SGCD: variants seen among roughly 807,000 people sequenced by gnomAD.
The protein encoded by SGCD is sarcoglycan delta, also known as delta-sarcoglycan.
Under a neutral mutation model 36.6 loss-of-function variants are expected in SGCD, and 18 were observed. The observed-to-expected ratio is 0.49, with a 90% CI of 0.34 to 0.73. SGCD has a LOEUF of 0.73. Among genes scored for constraint, SGCD ranks in the 30% least tolerant of loss-of-function variants. The pLI, the probability that SGCD is intolerant of heterozygous loss-of-function variation, is 0.01. For missense variants in SGCD, 387 were observed against 346.7 expected, an observed-to-expected ratio of 1.12 and a Z score of -0.92; for synonymous variants, 133 against 130.6, an observed-to-expected ratio of 1.02 and a Z score of -0.12.
At chr5:155,780,229 G>T in the SGCD span, among the ~76,000 whole-genome samples, 1 of 152,066 alleles carries the variant, frequency 6.6e-6, no homozygotes, top group African/African-American at 2.4e-5. Context: ...TAAACAGCTT[G>T]ACATGGCCAC....
At position 156,028,455 on chromosome 5, in the gene SGCD, A is replaced by G. The variant is rs532810316; in HGVS notation, c.-281-89423A>G. On this transcript the variant is annotated intron_variant, in intron 1 of 9. Coordinates refer to the SGCD transcript ENST00000517913. The stretch of plus-strand genomic sequence containing the variant: ...TTGGGCCAGTTATTTACCCTCTAAT[A>G]TCTCAGTTTCTTCCTATGTAAAATG... Among the ~76,000 whole-genome samples the G allele has an allele frequency of 2.0e-5, 3 of 152,250 alleles. No homozygotes were observed. In the South Asian group the frequency reaches 6.2e-4, roughly 32 times the overall value.
rs1353704222 is a variant in SGCD at position 156,760,803 on chromosome 5, T to C, written c.*1413T>C. 2.0e-5 allele frequency: 3 copies of C among 152,674 alleles called. No homozygotes were observed. Among genetic ancestry groups the C allele is most frequent in the African/African-American group, 7.2e-5 (3 of 41,444 alleles). 9.5% of individuals were successfully genotyped at this position (152,674 alleles called of 1,614,324 possible). A position where few individuals can be genotyped will look rare whatever the true frequency, so the allele number is the denominator to read the frequency against. On this transcript the variant is annotated 3_prime_UTR_variant, in exon 9 of 9. Transcript: ENST00000337851. ...GGGGGAAATGTGCCTATGCCTTAAG[T>C]CAATGCACTCAGCAAGGAGAAGCAC... is the stretch of plus-strand genomic sequence containing the variant.
intron 1 of SGCD, among the ~76,000 whole-genome samples, chr5:155,886,171 T>C (rs1034870284): frequency 6.6e-6 from 1 of 152,186 alleles, no homozygotes; most frequent in Admixed American, 6.5e-5. Context: ...TTCGAACTAA[T>C]TTAATTCAAA....
chr5:156,636,199 C>T (rs1392587496), intron 6 of SGCD, among the ~76,000 whole-genome samples: 1 of 152,074 alleles, frequency 6.6e-6, no homozygotes, highest in Non-Finnish European at 1.5e-5. Flanking sequence ...TTCACTGAGA[C>T]CATTTAACTA....
At chr5:156,242,513 A>T (rs530035233) in intron 3 of SGCD, among the ~76,000 whole-genome samples, 1 of 152,214 alleles carries the variant, frequency 6.6e-6, no homozygotes, top group Non-Finnish European at 1.5e-5. Flanking sequence ...CTGAATAATT[A>T]GTTAGTTATA....
chr5:156,302,118 C>T (rs1023843765), intron 3 of SGCD, among the ~76,000 whole-genome samples: 6 of 152,150 alleles, frequency 3.9e-5, no homozygotes, highest in Non-Finnish European at 4.4e-5. Flanking sequence ...TCTTCTCTAT[C>T]TCCTCTGTAA....
intron 7 of SGCD, among the ~76,000 whole-genome samples, chr5:156,689,770 A>G (rs905916277): frequency 6.6e-6 from 1 of 152,186 alleles, no homozygotes; most frequent in African/African-American, 2.4e-5. Flanking sequence ...TGGTAAGAAG[A>G]TTATTCAAGA....
At chr5:156,620,509 T>G (rs1314949031) in intron 6 of SGCD, among the ~76,000 whole-genome samples, 1 of 152,092 alleles carries the variant, frequency 6.6e-6, no homozygotes, top group Non-Finnish European at 1.5e-5. Flanking sequence ...GAGGATTAAG[T>G]AGATGGTAAG....
At chr5:156,087,133 C>G (rs1040807531) in intron 1 of SGCD, among the ~76,000 whole-genome samples, 2 of 152,214 alleles carry the variant, frequency 1.3e-5, no homozygotes, top group Non-Finnish European at 2.9e-5. Flanking sequence ...CAATTATCAT[C>G]AAGGTCACAA....
At chr5:156,405,857 T>C (rs539493557) in intron 3 of SGCD, among the ~76,000 whole-genome samples, 80 of 152,054 alleles carry the variant, frequency 5.3e-4, no homozygotes, top group African/African-American at 1.7e-3. Context: ...TCTGGCCAGA[T>C]ACCTGAGGCC....
At chr5:156,325,049 C>G (rs1232274818), upstream of SGCD, among the ~76,000 whole-genome samples, 1 of 152,120 alleles carries the variant, frequency 6.6e-6, no homozygotes, top group African/African-American at 2.4e-5. Flanking sequence ...GCCCAGTTCT[C>G]TGGAATGACA....
intron 3 of SGCD, among the ~76,000 whole-genome samples, chr5:156,282,032 A>C (rs1043957277): frequency 1.6e-4 from 21 of 133,734 alleles, no homozygotes; most frequent in Non-Finnish European, 3.2e-4. Context: ...CTCCATATCC[A>C]AAAAAAAAAA....
At chr5:156,378,998 G>A (rs1003973809) in intron 3 of SGCD, among the ~76,000 whole-genome samples, 1 of 152,060 alleles carries the variant, frequency 6.6e-6, no homozygotes, top group Non-Finnish European at 1.5e-5. Context: ...CTAAATGTTT[G>A]CATCTACTTC....
chr5:155,866,856 C>G (rs1213396838), upstream of SGCD, among the ~76,000 whole-genome samples: 2 of 152,140 alleles, frequency 1.3e-5, no homozygotes, highest in East Asian at 3.9e-4. Context: ...TACACACACG[C>G]ATGCGTACAC....
intron 3 of SGCD, among the ~76,000 whole-genome samples, chr5:156,203,537 T>C (rs1764201313): frequency 6.6e-6 from 1 of 152,180 alleles, no homozygotes; most frequent in Non-Finnish European, 1.5e-5. Context: ...CTTATTCATT[T>C]ATTCTTTCAT....
chr5:156,080,717 T>C (rs1760927611), intron 1 of SGCD, among the ~76,000 whole-genome samples: 1 of 152,236 alleles, frequency 6.6e-6, no homozygotes, highest in South Asian at 2.1e-4. Flanking sequence ...GTGACCTTTG[T>C]TGTAATTTCC....
intron 2 of SGCD, among the ~76,000 whole-genome samples, chr5:156,332,625 A>G (rs899189348): frequency 1.3e-5 from 2 of 152,264 alleles, no homozygotes; most frequent in Non-Finnish European, 2.9e-5. Flanking sequence ...TTGTGGCTTC[A>G]TTCTCTCAGA....
At chr5:155,760,055 T>C in the SGCD span, among the ~76,000 whole-genome samples, 1 of 152,132 alleles carries the variant, frequency 6.6e-6, no homozygotes, top group Non-Finnish European at 1.5e-5. Context: ...ATCTCACCAT[T>C]GTTATCATCA....
intron 7 of SGCD, among the ~76,000 whole-genome samples, chr5:156,648,409 C>T (rs2113589061): frequency 6.6e-6 from 1 of 152,224 alleles, no homozygotes; most frequent in Middle Eastern, 3.4e-3. Flanking sequence ...TTTCCTGATG[C>T]AATCTGAAGA....
Sources: gnomAD v4.1 joint callset for allele counts (sites outside exome capture counted in the v4.1 genomes callset) on GRCh38, gnomAD v4.1.1 for gene constraint, MANE v1.5 for transcripts, NCBI Gene and HGNC (gene_info 2026-07-23, HGNC 2026-07-21) for gene names.